The following NXPH1 variants were observed in gnomAD, a reference collection of about 807,000 sequenced individuals.
NXPH1 encodes neurexophilin-1.
A neutral mutation model predicts 23.7 loss-of-function variants in NXPH1; 5 were observed. That is an observed-to-expected ratio of 0.21 (90% CI 0.11 to 0.44). The LOEUF (loss-of-function observed/expected upper bound fraction) is 0.44, where lower values mean the gene tolerates loss of function less well. NXPH1 is among the 20% of genes least tolerant of loss of function. The pLI is 0.99. For synonymous variants in NXPH1, 144 were observed against 122.2 expected (o/e 1.18, Z -1.18); for missense variants, 324 against 321.6 (o/e 1.01, Z -0.06).
In NXPH1 at chr7:8,621,490, C is replaced by CTTTTTTTTT. The variant is rs113473603; in HGVS notation, c.55-129512_55-129504dup. Among the ~76,000 whole-genome samples, 2 of 140,256 alleles carry CTTTTTTTTT rather than the reference C, an allele frequency of 1.4e-5. 1 individual carries two copies. The highest frequency in any genetic ancestry group is 4.7e-4 in the East Asian group (2 of 4,244). The allele number at this position is 140,256 out of a possible 152,430, so 92.0% of individuals were successfully genotyped here. A position where few individuals can be genotyped will look rare whatever the true frequency, so the allele number is the denominator to read the frequency against. The stretch of plus-strand genomic sequence containing the variant: ...GAGAAACAATAACATGCTAGCCACT[C>CTTTTTTTTT]TTTTTTTTTTTTTTGAGGTGAAGTT... On this transcript the variant is annotated intron_variant, in intron 2 of 2. Transcript: ENST00000405863.
chr7:8,448,318 T>C (rs1289095842), intron 2 of NXPH1, among the ~76,000 whole-genome samples: 1 of 152,242 alleles, frequency 6.6e-6, no homozygotes, highest in African/African-American at 2.4e-5. Context: ...GCTAACATTT[T>C]AGAAAGAAGG....
chr7:8,549,946 C>G (rs1053662191), intron 2 of NXPH1, among the ~76,000 whole-genome samples: 7 of 151,522 alleles, frequency 4.6e-5, no homozygotes, highest in African/African-American at 9.7e-5. Flanking sequence ...GAGAGACACA[C>G]TAAGCACTGA....
chr7:8,739,325 A>G (rs951225454), intron 2 of NXPH1, among the ~76,000 whole-genome samples: 4 of 151,902 alleles, frequency 2.6e-5, no homozygotes, highest in Non-Finnish European at 4.4e-5. Context: ...AGACTATGGG[A>G]AAAGTGTAGT....
intron 2 of NXPH1, among the ~76,000 whole-genome samples, chr7:8,562,239 C>A (rs1407566867): frequency 6.6e-6 from 1 of 151,602 alleles, no homozygotes; most frequent in South Asian, 2.1e-4. Flanking sequence ...ATTGAAGAGG[C>A]TTTTTAAGAA....
Position 8,752,942 on chromosome 7 carries a change from CACTT to C in NXPH1, c.*1175_*1178del, listed in dbSNP as rs1484873505. ...AAATGAAATGTACATAAAAATAAAA[CACTT>C]AAAGTTGAGTTTCAATATGTACTTG... On this transcript the variant is annotated 3_prime_UTR_variant, in exon 3 of 3. Transcript: ENST00000405863. 1 of 152,352 alleles carries C rather than the reference CACTT, an allele frequency of 6.6e-6. No homozygotes were observed. The highest frequency in any genetic ancestry group is 1.9e-4 in the East Asian group (1 of 5,188). The allele number at this position is 152,352 out of a possible 1,614,324, so 9.4% of individuals were successfully genotyped here.
At chr7:8,711,739 T>C (rs1353368929) in intron 2 of NXPH1, among the ~76,000 whole-genome samples, 1 of 152,124 alleles carries the variant, frequency 6.6e-6, no homozygotes, top group Non-Finnish European at 1.5e-5. Context: ...AGGACTTGAA[T>C]TCAAGAAGGA....
chr7:8,543,199 A>G (rs896810483), intron 2 of NXPH1, among the ~76,000 whole-genome samples: 11 of 151,546 alleles, frequency 7.3e-5, no homozygotes, highest in Non-Finnish European at 1.6e-4. Context: ...CTTCAATTGC[A>G]TCTCATCCAC....
At chr7:8,473,966 G>A (rs1024675242) in intron 2 of NXPH1, among the ~76,000 whole-genome samples, 6 of 152,094 alleles carry the variant, frequency 3.9e-5, no homozygotes, top group African/African-American at 1.2e-4. Context: ...AATTACCCAG[G>A]AGCTTGATGA....
chr7:8,532,130 A>G (rs1164976761), intron 2 of NXPH1, among the ~76,000 whole-genome samples: 1 of 152,184 alleles, frequency 6.6e-6, no homozygotes, highest in East Asian at 1.9e-4. Context: ...AACCCGCTTT[A>G]GCTTACAGAC....
intron 2 of NXPH1, among the ~76,000 whole-genome samples, chr7:8,452,376 G>A (rs534471094): frequency 1.3e-5 from 2 of 152,254 alleles, no homozygotes; most frequent in East Asian, 3.9e-4. Context: ...CCATGGACCT[G>A]TTGAATATTC....
chr7:8,541,854 A>G (rs1048936293), intron 2 of NXPH1, among the ~76,000 whole-genome samples: 1 of 151,690 alleles, frequency 6.6e-6, no homozygotes, highest in African/African-American at 2.4e-5. Flanking sequence ...AGTAACTAAA[A>G]TAACAAAACT....
intron 2 of NXPH1, among the ~76,000 whole-genome samples, chr7:8,733,020 C>G (rs1329929620): frequency 6.6e-6 from 1 of 152,100 alleles, no homozygotes; most frequent in East Asian, 1.9e-4. Context: ...AATGCTATCC[C>G]TCCCCTAGCC....
intron 2 of NXPH1, among the ~76,000 whole-genome samples, chr7:8,584,200 G>A (rs1188032089): frequency 1.3e-5 from 2 of 152,138 alleles, no homozygotes; most frequent in Non-Finnish European, 2.9e-5. Context: ...ATCTTATAGA[G>A]CTGTAAAGTG....
chr7:8,458,956 C>T (rs937525015), intron 2 of NXPH1, among the ~76,000 whole-genome samples: 5 of 152,120 alleles, frequency 3.3e-5, no homozygotes, highest in Non-Finnish European at 4.4e-5. Flanking sequence ...TGACACATTC[C>T]ATTCCTTAAA....
intron 2 of NXPH1, among the ~76,000 whole-genome samples, chr7:8,720,561 TA>T (rs1206420520): frequency 2.6e-5 from 4 of 152,194 alleles, no homozygotes; most frequent in Non-Finnish European, 5.9e-5. Flanking sequence ...AAATGGATTT[TA>T]AAAAACATTA....
chr7:8,655,396 GTCTTTCTCTCTCTCTCTCTCTCTC>G (rs368986056), intron 2 of NXPH1, among the ~76,000 whole-genome samples: 99,479 of 139,106 alleles, frequency 0.72, 34,551 homozygotes, highest in Middle Eastern at 0.82. Context: ...CTTTGTCTTT[GTCTTTCTCTCTCTCTCTCTCTCTC>G]TCTCTCTCTC....
intron 2 of NXPH1, among the ~76,000 whole-genome samples, chr7:8,671,230 T>C (rs1820864366): frequency 6.6e-6 from 1 of 152,234 alleles, no homozygotes; most frequent in South Asian, 2.1e-4. Flanking sequence ...AAAATGGTAA[T>C]GTTATTACAG....
intron 2 of NXPH1, among the ~76,000 whole-genome samples, chr7:8,470,770 CATT>C (rs956765119): frequency 2.0e-5 from 3 of 152,246 alleles, no homozygotes; most frequent in Admixed American, 2.0e-4. Flanking sequence ...ACCATAAAAA[CATT>C]GTTGCAAAGG....
At chr7:8,659,712 C>T (rs10272943) in intron 2 of NXPH1, among the ~76,000 whole-genome samples, 9,608 of 152,008 alleles carry the variant, frequency 0.063, 665 homozygotes, top group East Asian at 0.25. Flanking sequence ...GCACATGTAC[C>T]CTAGAACTTA....
Sources: gnomAD v4.1 joint callset for allele counts (sites outside exome capture counted in the v4.1 genomes callset) on GRCh38, gnomAD v4.1.1 for gene constraint, MANE v1.5 for transcripts, NCBI Gene and HGNC (gene_info 2026-07-23, HGNC 2026-07-21) for gene names.